The following GNA14 variants were observed in gnomAD, a reference collection of about 807,000 sequenced individuals.
GNA14 encodes G protein subunit alpha 14.
GNA14 carries 50 observed loss-of-function variants against 42.0 expected under a neutral mutation model. The ratio of observed to expected loss-of-function variants is 1.19; its 90% CI spans 0.95 to 1.51. The LOEUF is 1.51. Among genes scored for constraint, GNA14 ranks in the 40% most tolerant of loss-of-function variants. The pLI is 0.00. For missense variants in GNA14, 473 were observed against 446.2 expected (o/e 1.06, Z -0.54); for synonymous variants, 173 against 163.1 (o/e 1.06, Z -0.46).
chr9:77,540,381 G>A (rs1225114404), intron 1 of GNA14, among the ~76,000 whole-genome samples: 1 of 151,978 alleles, frequency 6.6e-6, no homozygotes, highest in Non-Finnish European at 1.5e-5. Context: ...GGCTTGTTTT[G>A]TGGCCTAAAA....
chr9:77,449,834 G>A (rs898756125), intron 2 of GNA14, among the ~76,000 whole-genome samples: 1 of 152,174 alleles, frequency 6.6e-6, no homozygotes, highest in Non-Finnish European at 1.5e-5. Flanking sequence ...TTCTTTGATG[G>A]CAAAACGCCA....
intron 2 of GNA14, among the ~76,000 whole-genome samples, chr9:77,469,308 T>C (rs898329615): frequency 1.6e-4 from 23 of 144,806 alleles, no homozygotes; most frequent in African/African-American, 5.6e-4. Flanking sequence ...ATTGCATTCA[T>C]ATATAAATTG....
At chr9:77,509,773 T>C (rs1207187896) in intron 2 of GNA14, among the ~76,000 whole-genome samples, 1 of 152,060 alleles carries the variant, frequency 6.6e-6, no homozygotes, top group Non-Finnish European at 1.5e-5. Flanking sequence ...TCATTGAAAG[T>C]AATGACAAAA....
At chr9:77,549,623 G>C (rs1837765366) in intron 1 of GNA14, among the ~76,000 whole-genome samples, 1 of 152,162 alleles carries the variant, frequency 6.6e-6, no homozygotes, top group Non-Finnish European at 1.5e-5. Context: ...AATCTGCACA[G>C]AACAGACATT....
At chr9:77,554,809 G>T (rs73460076) in intron 1 of GNA14, among the ~76,000 whole-genome samples, 6,758 of 152,240 alleles carry the variant, frequency 0.044, 165 homozygotes, top group South Asian at 0.052. Context: ...CATTTCTACT[G>T]TGACAATTAA....
intron 1 of GNA14, among the ~76,000 whole-genome samples, chr9:77,637,698 AT>A (rs1411352976): frequency 6.6e-6 from 1 of 152,142 alleles, no homozygotes; most frequent in Non-Finnish European, 1.5e-5. Flanking sequence ...CCAAAGAAAT[AT>A]TTAAAACCTA....
At chr9:77,572,873 C>T (rs1823080424) in intron 1 of GNA14, among the ~76,000 whole-genome samples, 2 of 152,088 alleles carry the variant, frequency 1.3e-5, no homozygotes, top group African/African-American at 2.4e-5. Flanking sequence ...CTAAATGTTC[C>T]ATTGTGGCTT....
chr9:77,617,012 G>C (rs1823833151), intron 1 of GNA14, among the ~76,000 whole-genome samples: 1 of 151,928 alleles, frequency 6.6e-6, no homozygotes, highest in Non-Finnish European at 1.5e-5. Flanking sequence ...TGGGACTACA[G>C]GCACCCACCA....
intron 1 of GNA14, among the ~76,000 whole-genome samples, chr9:77,625,430 A>G (rs1823998164): frequency 6.6e-6 from 1 of 152,030 alleles, no homozygotes; most frequent in Non-Finnish European, 1.5e-5. Flanking sequence ...AGCAACCCCA[A>G]GACAGATAGT....
At chr9:77,553,510 A>G (rs1005669597) in intron 1 of GNA14, among the ~76,000 whole-genome samples, 2 of 152,212 alleles carry the variant, frequency 1.3e-5, no homozygotes, top group Admixed American at 6.5e-5. Flanking sequence ...GGGAAAGTAC[A>G]TAAAGGCAAT....
chr9:77,636,664 G>A (rs1824188747), intron 1 of GNA14, among the ~76,000 whole-genome samples: 1 of 152,150 alleles, frequency 6.6e-6, no homozygotes, highest in South Asian at 2.1e-4. Flanking sequence ...GAGAGGTGGG[G>A]AAGTGCCAGG....
intron 1 of GNA14, among the ~76,000 whole-genome samples, chr9:77,604,050 T>C (rs935703616): frequency 1.1e-4 from 16 of 150,662 alleles, no homozygotes; most frequent in African/African-American, 3.9e-4. Flanking sequence ...ACTTTTAATA[T>C]GGTAATAAAT....
chr9:77,442,109 T>C (rs1449745735), intron 2 of GNA14, among the ~76,000 whole-genome samples: 1 of 152,238 alleles, frequency 6.6e-6, no homozygotes, highest in East Asian at 1.9e-4. Context: ...CAGTGGCTCA[T>C]GCCTATAATC....
intron 2 of GNA14, among the ~76,000 whole-genome samples, chr9:77,437,910 C>T (rs1835665419): frequency 6.6e-6 from 1 of 152,210 alleles, no homozygotes; most frequent in Non-Finnish European, 1.5e-5. Flanking sequence ...TGACCTACTG[C>T]ACAGATCCTG....
chr9:77,482,014 C>G (rs1232621300), intron 2 of GNA14, among the ~76,000 whole-genome samples: 1 of 152,092 alleles, frequency 6.6e-6, no homozygotes, highest in Non-Finnish European at 1.5e-5. Flanking sequence ...ATTTGCCAGT[C>G]TGTGTCTTTT....
intron 1 of GNA14, among the ~76,000 whole-genome samples, chr9:77,598,034 G>A (rs541838791): frequency 1.2e-4 from 18 of 152,252 alleles, no homozygotes; most frequent in African/African-American, 2.2e-4. Flanking sequence ...GCAAGTCTCC[G>A]TCTCAAAAAC....
At chr9:77,640,947 T>C (rs1824248966) in intron 1 of GNA14, among the ~76,000 whole-genome samples, 1 of 147,714 alleles carries the variant, frequency 6.8e-6, no homozygotes, top group South Asian at 2.2e-4. Context: ...GGGGATCTCA[T>C]TGCACAAGTC....
chr9:77,473,866 G>C (rs1198647215), intron 2 of GNA14, among the ~76,000 whole-genome samples: 1 of 152,080 alleles, frequency 6.6e-6, no homozygotes, highest in Non-Finnish European at 1.5e-5. Context: ...CAAATTTATA[G>C]TCAACTGATT....
chr9:77,431,062 G>GTGTGTGTGTGTA (rs1835544436), intron 4 of GNA14, among the ~76,000 whole-genome samples: 3 of 151,292 alleles, frequency 2.0e-5, no homozygotes, highest in South Asian at 4.2e-4. Context: ...GTGTGTGTGT[G>GTGTGTGTGTGTA]TATGAGTGTG....
Sources: allele counts gnomAD v4.1 joint callset (sites outside exome capture counted in the v4.1 genomes callset), GRCh38; gene constraint gnomAD v4.1.1; transcripts MANE v1.5; gene names NCBI Gene and HGNC (gene_info 2026-07-23, HGNC 2026-07-21).